CNTN5: variants seen among roughly 807,000 people sequenced by gnomAD.
CNTN5 encodes contactin 5, also known as contactin-5.
Under a neutral mutation model 129.1 loss-of-function variants are expected in CNTN5, and 77 were observed. The observed-to-expected ratio is 0.60, with a 90% CI of 0.50 to 0.72. CNTN5 has a LOEUF of 0.72. Ranked by LOEUF, CNTN5 falls within the 30% of genes least tolerant of loss-of-function variation. CNTN5 has a pLI of 0.00. For synonymous variants in CNTN5, 509 were observed against 465.6 expected (o/e 1.09, Z -1.20); for missense variants, 1,478 against 1,328.8 (o/e 1.11, Z -1.75).
chr11:100,109,494 T>C (rs1334445535), intron 13 of CNTN5, among the ~76,000 whole-genome samples: 1 of 152,216 alleles, frequency 6.6e-6, no homozygotes. Context: ...ATTTCAGGCA[T>C]TCCTGAGGTA....
intron 3 of CNTN5, among the ~76,000 whole-genome samples, chr11:99,761,006 T>C (rs1430412901): frequency 1.3e-5 from 2 of 152,140 alleles, no homozygotes; most frequent in African/African-American, 4.8e-5. Context: ...TGTCTCATAG[T>C]TCTTGAATTC....
intron 1 of CNTN5, among the ~76,000 whole-genome samples, chr11:99,298,448 G>A (rs930780372): frequency 6.6e-6 from 1 of 152,122 alleles, no homozygotes; most frequent in African/African-American, 2.4e-5. Context: ...ACTGGGATTG[G>A]TCGACACTCA....
intron 8 of CNTN5, among the ~76,000 whole-genome samples, chr11:99,966,481 A>T (rs1035414989): frequency 2.0e-5 from 3 of 152,176 alleles, no homozygotes; most frequent in African/African-American, 7.2e-5. Context: ...TACAAAATGC[A>T]CTCAGAATGG....
In CNTN5 at chr11:99,890,415, ATACT is replaced by A. The variant is rs551327322; in HGVS notation, c.578-25636_578-25633del. 5.1e-3 allele frequency among the ~76,000 whole-genome samples: 782 copies of A among 152,192 alleles called. 6 individuals carry two copies. The highest frequency in any genetic ancestry group is 8.8e-3 in the Non-Finnish European group (598 of 67,990). ...TATATATATCAGTATCAATTCATAG[ATACT>A]TATTTTATATTTTGTGTAATATTGG... On this transcript the variant is annotated intron_variant, in intron 6 of 24. Transcript: ENST00000524871.
chr11:99,875,869 A>C (rs776363863), intron 6 of CNTN5, among the ~76,000 whole-genome samples: 23 of 152,168 alleles, frequency 1.5e-4, no homozygotes, highest in Non-Finnish European at 2.8e-4. Flanking sequence ...TTGTATAAGC[A>C]CTGTTATATA....
At chr11:100,326,727 AATT>A (rs1357150622) in intron 21 of CNTN5, among the ~76,000 whole-genome samples, 2 of 152,216 alleles carry the variant, frequency 1.3e-5, no homozygotes, top group African/African-American at 4.8e-5. Context: ...TTGTAATAAT[AATT>A]ATATTAAAAA....
intron 1 of CNTN5, among the ~76,000 whole-genome samples, chr11:99,062,525 A>G (rs1005224541): frequency 6.6e-6 from 1 of 152,094 alleles, no homozygotes; most frequent in South Asian, 2.1e-4. Context: ...GGTCACAAAA[A>G]CTTCTCTACC....
chr11:100,222,067 G>A (rs1380567573), intron 15 of CNTN5, among the ~76,000 whole-genome samples: 2 of 152,118 alleles, frequency 1.3e-5, no homozygotes, highest in Non-Finnish European at 2.9e-5. Context: ...TACTGAAAGG[G>A]TAATTTAGGT....
chr11:100,328,682 A>T (rs1367931892), intron 21 of CNTN5, among the ~76,000 whole-genome samples: 2 of 152,140 alleles, frequency 1.3e-5, no homozygotes, highest in African/African-American at 4.8e-5. Flanking sequence ...ACTCCTACTA[A>T]GCCTCACCTC....
At chr11:99,392,956 A>T (rs1223940473) in intron 2 of CNTN5, among the ~76,000 whole-genome samples, 1 of 151,876 alleles carries the variant, frequency 6.6e-6, no homozygotes, top group Non-Finnish European at 1.5e-5. Flanking sequence ...GGCTTTGAAT[A>T]GCATGTGGAA....
At chr11:99,648,795 A>G (rs1565387433) in intron 3 of CNTN5, among the ~76,000 whole-genome samples, 1 of 151,880 alleles carries the variant, frequency 6.6e-6, no homozygotes, top group South Asian at 2.1e-4. Flanking sequence ...GCTAAGTAAA[A>G]TAAGTCAGGA....
At chr11:99,747,093 C>T (rs550661680) in intron 3 of CNTN5, among the ~76,000 whole-genome samples, 2 of 152,080 alleles carry the variant, frequency 1.3e-5, no homozygotes, top group African/African-American at 4.8e-5. Flanking sequence ...TTTTCAATTT[C>T]TTTCATCAAT....
intron 1 of CNTN5, among the ~76,000 whole-genome samples, chr11:99,103,315 T>C (rs1447356237): frequency 6.6e-6 from 1 of 152,230 alleles, no homozygotes; most frequent in African/African-American, 2.4e-5. Flanking sequence ...GTATAATGTA[T>C]GTATACACTA....
chr11:100,339,696 C>T (rs1289523896), intron 21 of CNTN5, among the ~76,000 whole-genome samples: 1 of 152,120 alleles, frequency 6.6e-6, no homozygotes, highest in East Asian at 1.9e-4. Flanking sequence ...CCTCTATCAA[C>T]AGTAAGGAAG....
rs370474957 is a variant in CNTN5 at position 99,415,711 on chromosome 11, A to G, written c.-71+90227A>G. ...TTGCTTCTGAGGCCTTCACTTTGTGATATCATTTTCTGGGCCCCAATAAGA... is the reference window on the plus strand; with the variant it reads ...TTGCTTCTGAGGCCTTCACTTTGTGGTATCATTTTCTGGGCCCCAATAAGA... On this transcript the variant is annotated intron_variant, in intron 2 of 24. Coordinates refer to ENST00000524871, the MANE Select transcript of CNTN5 (RefSeq NM_014361.4). Among the ~76,000 whole-genome samples the G allele has an allele frequency of 7.9e-5, 12 of 152,226 alleles. 1 individual carries two copies. The East Asian group carries it at 2.1e-3, about 27-fold the overall frequency.
intron 9 of CNTN5, among the ~76,000 whole-genome samples, chr11:100,043,552 G>A (rs892740846): frequency 3.3e-5 from 5 of 152,278 alleles, no homozygotes; most frequent in Admixed American, 6.5e-5. Context: ...TAAACTTGCA[G>A]TTGCTTTCTT....
intron 3 of CNTN5, among the ~76,000 whole-genome samples, chr11:99,658,722 T>C (rs183050231): frequency 2.8e-4 from 40 of 143,286 alleles, no homozygotes; most frequent in African/African-American, 8.0e-4. Flanking sequence ...AAAAAAAATA[T>C]ATATATATAT....
chr11:99,937,623 CGGAA>C (rs1292099831), intron 7 of CNTN5, among the ~76,000 whole-genome samples: 1 of 152,070 alleles, frequency 6.6e-6, no homozygotes, highest in Non-Finnish European at 1.5e-5. Context: ...AAGAGAAAGA[CGGAA>C]GGAGAAAAGG....
chr11:100,293,793 A>G lies in CNTN5; in HGVS notation c.2315-3832A>G, dbSNP rs906918275. On this transcript the variant is annotated intron_variant, in intron 18 of 24. Coordinates refer to ENST00000524871, the MANE Select transcript of CNTN5 (RefSeq NM_014361.4). Reference sequence around the variant, plus strand: ...TGTACATACCACTTTATCTACCCTAATAAGAATAAAAGCATTATGTAAACT... The same window carrying G: ...TGTACATACCACTTTATCTACCCTAGTAAGAATAAAAGCATTATGTAAACT... Among the ~76,000 whole-genome samples, 5 of 151,726 alleles carry G rather than the reference A, an allele frequency of 3.3e-5. No homozygotes were observed. The East Asian group carries it at 7.7e-4, about 23-fold the overall frequency.
Sources: gnomAD v4.1 joint callset for allele counts (sites outside exome capture counted in the v4.1 genomes callset) on GRCh38, gnomAD v4.1.1 for gene constraint, MANE v1.5 for transcripts, NCBI Gene and HGNC (gene_info 2026-07-23, HGNC 2026-07-21) for gene names.